The following ING4 variants were observed in gnomAD, a reference collection of about 807,000 sequenced individuals.
The protein encoded by ING4 is inhibitor of growth family member 4, also known as inhibitor of growth protein 4.
ING4 carries 28 observed loss-of-function variants against 33.1 expected under a neutral mutation model. The ratio of observed to expected loss-of-function variants is 0.85; its 90% CI spans 0.63 to 1.16. The LOEUF (loss-of-function observed/expected upper bound fraction) is 1.16, where lower values mean the gene tolerates loss of function less well. Ranked by LOEUF, ING4 falls within the 50% of genes most tolerant of loss-of-function variation. The probability of loss-of-function intolerance (pLI) is 0.00; values close to 1 mark genes in which losing one functional copy is unlikely to be tolerated. For missense variants in ING4, 247 were observed against 314.7 expected (o/e 0.78, Z 1.63); for synonymous variants, 87 against 104.4 (o/e 0.83, Z 1.02).
chr12:6,656,868 T>C, intron 1 of ING4, 70 bp from the exon 2 acceptor site: 1 of 977,422 alleles, frequency 1.0e-6, no homozygotes, highest in Non-Finnish European at 1.5e-6. Context: ...TAAAGTGCAG[T>C]TCAGGCCGGA....
intron 1 of ING4, among the ~76,000 whole-genome samples, chr12:6,661,111 T>G (rs527615549): frequency 1.2e-4 from 18 of 151,766 alleles, no homozygotes; most frequent in Middle Eastern, 3.2e-3. Context: ...TTTTGTTTTT[T>G]TTTTGAGGCG....
rs368282932 is a variant in ING4 at position 6,657,381 on chromosome 12, G to A, written c.38-583C>T. 3.1e-3 allele frequency among the ~76,000 whole-genome samples: 453 copies of A among 146,688 alleles called. 2 individuals carry two copies. Among genetic ancestry groups the A allele is most frequent in the Middle Eastern group, 0.016 (4 of 252 alleles). ...GGAGAATGGCATGAACCTGGGAGGC[G>A]GAGTTTGCAGTGAGCCGAGATCGCA... On this transcript the variant is annotated intron_variant, in intron 1 of 7. Coordinates refer to ENST00000341550, the MANE Select transcript of ING4 (RefSeq NM_016162.4).
At chr12:6,662,249 C>T (rs76126701) in intron 1 of ING4, among the ~76,000 whole-genome samples, 2,436 of 152,292 alleles carry the variant, frequency 0.016, 31 homozygotes, top group Non-Finnish European at 0.026. Flanking sequence ...TCCTACATCC[C>T]CAGGTAATTA....
At chr12:6,655,006 T>C (rs1026401413) in intron 2 of ING4, among the ~76,000 whole-genome samples, 2 of 152,058 alleles carry the variant, frequency 1.3e-5, no homozygotes, top group African/African-American at 4.8e-5. Context: ...ATTACAGACA[T>C]GAGCCACGGC....
intron 1 of ING4, among the ~76,000 whole-genome samples, chr12:6,657,240 G>A (rs1949387521): frequency 6.6e-6 from 1 of 152,228 alleles, no homozygotes; most frequent in Admixed American, 6.5e-5. Flanking sequence ...ACGAGGTCAG[G>A]AGATTGAGAC....
intron 2 of ING4, chr12:6,655,928 G>A (rs1252489486): frequency 3.1e-5 from 14 of 455,154 alleles, no homozygotes; most frequent in Admixed American, 2.1e-4. Flanking sequence ...AAGTGTGAAC[G>A]GTATAGAGAT....
Position 6,661,000 on chromosome 12 carries a change from C to T in ING4, c.37+2065G>A, listed in dbSNP as rs148370559. 1.7e-3 allele frequency among the ~76,000 whole-genome samples: 252 copies of T among 152,242 alleles called. 2 individuals are homozygous for T. In the East Asian group the frequency reaches 0.045, roughly 27 times the overall value. On this transcript the variant is annotated intron_variant, in intron 1 of 7. Coordinates refer to ENST00000341550, the MANE Select transcript of ING4 (RefSeq NM_016162.4). ...TAGAGACGGGGTTTCACTATGTTAG[C>T]CAGGCTGGTCTTGGAACTCCTGACC...
Position 6,651,045 on chromosome 12 carries a change from A to C in ING4, c.*150T>G. 1.2e-6 allele frequency: 1 copy of C among 843,494 alleles called. No homozygotes were observed. Among genetic ancestry groups the C allele is most frequent in the Non-Finnish European group, 1.9e-6 (1 of 520,566 alleles). 52.3% of individuals were successfully genotyped at this position (843,494 alleles called of 1,614,324 possible). A position where few individuals can be genotyped will look rare whatever the true frequency, so the allele number is the denominator to read the frequency against. ...TACCAGGGTCTGATGCAGCCTCAGC[A>C]CCGGGAGTGGGGAGAGGGGAGGAGA... On this transcript the variant is annotated 3_prime_UTR_variant, in exon 8 of 8. Coordinates refer to ENST00000341550, the MANE Select transcript of ING4 (RefSeq NM_016162.4).
At position 6,663,097 on chromosome 12, in the gene ING4, G is replaced by C. The variant is rs1311841958; in HGVS notation, c.5C>G (p.Ala2Gly). ...ATAATGTTCCAAATACATCCCCGCAGCCATCTCGAAGCAAAACAAAGCAAC... is the reference window on the plus strand; with the variant it reads ...ATAATGTTCCAAATACATCCCCGCACCCATCTCGAAGCAAAACAAAGCAAC... Reference protein sequence around the residue: MAAGMYLEHYLD... With the variant: MGAGMYLEHYLD... Residue 2 changes from alanine (A) to glycine (G), a missense_variant, in exon 1 of 8, where the codon GCT becomes GGT. Transcript: ENST00000341550. 1 of 1,614,036 alleles carries C rather than the reference G, an allele frequency of 6.2e-7. No homozygotes were observed. Among genetic ancestry groups the C allele is most frequent in the South Asian group, 1.1e-5 (1 of 91,066 alleles).
chr12:6,656,173 T>TC (rs1237077469), intron 2 of ING4, among the ~76,000 whole-genome samples: 10 of 142,430 alleles, frequency 7.0e-5, no homozygotes, highest in African/African-American at 2.0e-4. Context: ...TAATTCTTCT[T>TC]TTTTTTTTTT....
intron 1 of ING4, among the ~76,000 whole-genome samples, chr12:6,661,885 T>C (rs181258937): frequency 7.2e-5 from 11 of 152,344 alleles, no homozygotes; most frequent in Non-Finnish European, 8.8e-5. Flanking sequence ...TTATCACTAA[T>C]TGATCTCTGT....
intron 2 of ING4, among the ~76,000 whole-genome samples, chr12:6,655,020 C>T (rs987638216): frequency 4.0e-5 from 6 of 151,212 alleles, no homozygotes; most frequent in Non-Finnish European, 7.4e-5. Context: ...CCACGGCACC[C>T]GGTCTCCCAG....
In ING4 at chr12:6,652,295, C is replaced by G; in HGVS notation, c.621G>C (p.Glu207Asp). ...CATCAGGGTTGTCACAGCCAATCAT[C>G]TCTCCATAGGAGACCTGGTGACAAA... ...YCLCHQVSYGEMIGCDNPDCS... is the reference protein window; with the variant it reads ...YCLCHQVSYGDMIGCDNPDCS... Residue 207 changes from glutamate (E) to aspartate (D), a missense_variant, in exon 6 of 8, where the codon GAG becomes GAC. Physicochemically the swap from Glu to Asp is conservative, Grantham distance 45 (BLOSUM62 2). Around this residue, in one of 3 missense-constraint regions of ING4, gnomAD observed 11 missense variants for 43.8 expected, o/e 0.25. Transcript: ENST00000341550. The G allele has an allele frequency of 6.2e-7, 1 of 1,613,832 alleles. No individual in the cohort carries two copies. Among genetic ancestry groups the G allele is most frequent in the Non-Finnish European group, 8.5e-7 (1 of 1,179,826 alleles).
In ING4 at chr12:6,651,241, CAG is replaced by C. The variant is rs1282987466; in HGVS notation, c.708-9_708-8del. Reference sequence around the variant, plus strand: ...GGAGCAGCGTGGGCAAAACCTGAAACAGAGAAGGGGAGAGAAAAGTGAGTGAA... The same window carrying C: ...GGAGCAGCGTGGGCAAAACCTGAAACAGAAGGGGAGAGAAAAGTGAGTGAA... On this transcript the variant is annotated splice_region_variant and splice_polypyrimidine_tract_variant and intron_variant, in intron 7 of 7. Transcript: ENST00000341550. The C allele has an allele frequency of 2.5e-6, 4 of 1,614,182 alleles. No homozygotes were observed. The highest frequency in any genetic ancestry group is 2.2e-5 in the East Asian group (1 of 44,880).
chr12:6,654,409 A>G (rs371079611), intron 2 of ING4, among the ~76,000 whole-genome samples: 2 of 150,046 alleles, frequency 1.3e-5, no homozygotes, highest in East Asian at 3.9e-4. Context: ...CATGGATCAC[A>G]CTGCAGCCTC....
intron 1 of ING4, among the ~76,000 whole-genome samples, chr12:6,662,754 G>T (rs1339302900): frequency 6.6e-6 from 1 of 151,950 alleles, no homozygotes; most frequent in Non-Finnish European, 1.5e-5. Flanking sequence ...ACGACTATGG[G>T]GAAAAAAATC....
At chr12:6,660,678 AAC>A (rs1177787792) in intron 1 of ING4, among the ~76,000 whole-genome samples, 1 of 152,190 alleles carries the variant, frequency 6.6e-6, no homozygotes, top group Admixed American at 6.6e-5. Context: ...CTACTGTTTA[AAC>A]CTACAACTTC....
intron 1 of ING4, among the ~76,000 whole-genome samples, chr12:6,660,037 G>A (rs1250851950): frequency 1.3e-5 from 2 of 152,184 alleles, no homozygotes; most frequent in Non-Finnish European, 2.9e-5. Flanking sequence ...ATTCTCTCCT[G>A]TTTCCATAGT....
chr12:6,653,895 C>T (rs1949264507), intron 2 of ING4, among the ~76,000 whole-genome samples: 1 of 152,172 alleles, frequency 6.6e-6, no homozygotes, highest in Non-Finnish European at 1.5e-5. Context: ...CAGGGTCTCA[C>T]TTTGTCGCCC....
Sources: gnomAD v4.1 joint callset for allele counts (sites outside exome capture counted in the v4.1 genomes callset) on GRCh38, gnomAD v4.1.1 for gene constraint, gnomAD v4.1.1 regional missense constraint, MANE v1.5 for transcripts, NCBI Gene and HGNC (gene_info 2026-07-23, HGNC 2026-07-21) for gene names.